ANGEL1: variants seen among roughly 807,000 people sequenced by gnomAD.
The protein encoded by ANGEL1 is RNA 2',3'-cyclic phosphatase ANGEL1.
ANGEL1 carries 62 observed loss-of-function variants against 76.4 expected under a neutral mutation model. The ratio of observed to expected loss-of-function variants is 0.81; its 90% CI spans 0.66 to 1.00. ANGEL1 has a LOEUF of 1.00. ANGEL1 is among the 50% of genes least tolerant of loss of function. The pLI is 0.00. For missense variants in ANGEL1, 737 were observed against 836.7 expected (o/e 0.88, Z 1.47); for synonymous variants, 340 against 331.7 (o/e 1.03, Z -0.27).
At chr14:76,804,503 T>C (rs752033126) in intron 5 of ANGEL1, 37 of 963,430 alleles carry the variant, frequency 3.8e-5, no homozygotes, top group Non-Finnish European at 4.4e-5. Flanking sequence ...AGTCCCTTTA[T>C]GCCATTTAAC....
At chr14:76,789,949 C>T (rs1459593440) in intron 9 of ANGEL1, among the ~76,000 whole-genome samples, 4 of 151,110 alleles carry the variant, frequency 2.6e-5, no homozygotes, top group African/African-American at 9.7e-5. Context: ...ACTGTAACCT[C>T]TGCCTCCCGA....
At chr14:76,790,893 A>C in intron 8 of ANGEL1, 119 bp from the exon 9 acceptor site, 7 of 1,346,732 alleles carry the variant, frequency 5.2e-6, no homozygotes, top group Non-Finnish European at 6.9e-6. Context: ...ACTCAATCTC[A>C]GCCAATTCCT....
At chr14:76,812,372 G>C (rs1405988221) in intron 1 of ANGEL1, 32 of 1,046,042 alleles carry the variant, frequency 3.1e-5, no homozygotes, top group Non-Finnish European at 3.3e-5. Context: ...CTCGCCCGCT[G>C]AGAATTTGGG....
intron 8 of ANGEL1, 102 bp from the exon 9 acceptor site, chr14:76,790,876 T>A (rs1894385987): frequency 7.1e-7 from 1 of 1,415,298 alleles, no homozygotes; most frequent in African/African-American, 1.4e-5. Context: ...AAGGATGATC[T>A]CAGATGACTC....
In ANGEL1 at chr14:76,791,312, T is replaced by C. The variant is rs373832136; in HGVS notation, c.1673A>G (p.Glu558Gly). 4 of 1,613,938 alleles carry C rather than the reference T, an allele frequency of 2.5e-6. No individual in the cohort carries two copies. Among genetic ancestry groups the C allele is most frequent in the Non-Finnish European group, 3.4e-6 (4 of 1,179,990 alleles). Residue 558 changes from glutamate to glycine, a missense_variant, in exon 8 of 10, where the codon GAG becomes GGG. By Grantham distance (98) the Glu-to-Gly change is moderately conservative. Coordinates refer to ENST00000251089, the MANE Select transcript of ANGEL1 (RefSeq NM_015305.4). ...AGAAGGTTACCTGGAGAAGGCAGGCTCAAGCTCCGATGCATCTTCCTCAAG... is the reference window on the plus strand; with the variant it reads ...AGAAGGTTACCTGGAGAAGGCAGGCCCAAGCTCCGATGCATCTTCCTCAAG... ...SVLEEDASEL[E>G]PAFSRTVGTI... is the part of the protein sequence containing the mutation.
At chr14:76,789,565 C>T (rs373642215) in intron 9 of ANGEL1, among the ~76,000 whole-genome samples, 177 bp from the exon 10 acceptor site, 22 of 152,250 alleles carry the variant, frequency 1.4e-4, no homozygotes, top group African/African-American at 5.3e-4. Flanking sequence ...CAGAGATACT[C>T]CATAATATCA....
At chr14:76,798,765 T>C (rs941813730) in intron 7 of ANGEL1, among the ~76,000 whole-genome samples, 22 of 151,914 alleles carry the variant, frequency 1.4e-4, no homozygotes, top group African/African-American at 5.3e-4. Context: ...CTGGCCAACG[T>C]GGTGAAACCC....
At chr14:76,793,895 G>A (rs1454897489) in intron 7 of ANGEL1, among the ~76,000 whole-genome samples, 4 of 152,038 alleles carry the variant, frequency 2.6e-5, no homozygotes, top group Non-Finnish European at 5.9e-5. Context: ...ATTGTAATAA[G>A]GTATGTGAAT....
chr14:76,790,486 G>T (rs969346578), intron 9 of ANGEL1, 125 bp downstream of exon 9: 2 of 1,466,404 alleles, frequency 1.4e-6, no homozygotes, highest in Admixed American at 4.9e-5. Flanking sequence ...TGCAAGGGAG[G>T]TATGAAATCT....
rs563403453 is a variant in ANGEL1, at chr14:76,789,072, G to A, written c.*156C>T. Reference sequence around the variant, plus strand: ...ACAGGCAGAGAACGCAGCCAGGCCTGGAGAAAGTCTAACCGTGGGAAAAAG... The same window carrying A: ...ACAGGCAGAGAACGCAGCCAGGCCTAGAGAAAGTCTAACCGTGGGAAAAAG... On this transcript the variant is annotated 3_prime_UTR_variant, in exon 10 of 10. Transcript: ENST00000251089. The A allele has an allele frequency of 2.2e-4, 231 of 1,041,378 alleles. No homozygotes were observed. The African/African-American group carries it at 3.4e-3, about 15-fold the overall frequency. 64.5% of individuals were successfully genotyped at this position (1,041,378 alleles called of 1,614,324 possible). A position where few individuals can be genotyped will look rare whatever the true frequency, so the allele number is the denominator to read the frequency against.
At chr14:76,807,592 C>T in intron 3 of ANGEL1, 90 bp from the exon 4 acceptor site, 1 of 1,320,312 alleles carries the variant, frequency 7.6e-7, no homozygotes, top group Non-Finnish European at 1.1e-6. Flanking sequence ...AGGTGGGAAG[C>T]TGCTGGGTCA....
chr14:76,792,876 A>C (rs935391882), intron 7 of ANGEL1, among the ~76,000 whole-genome samples: 4 of 152,200 alleles, frequency 2.6e-5, no homozygotes, highest in Non-Finnish European at 2.9e-5. Context: ...TTGACATTGT[A>C]CCAAAAGTTT....
chr14:76,804,172 A>G (rs1894848179), intron 5 of ANGEL1: 1 of 1,419,984 alleles, frequency 7.0e-7, no homozygotes, highest in Non-Finnish European at 9.1e-7. Context: ...GAATAGTATG[A>G]ACATGTGGTT....
At chr14:76,803,697 G>A (rs1894831771) in intron 6 of ANGEL1, 89 bp downstream of exon 6, 1 of 1,512,388 alleles carries the variant, frequency 6.6e-7, no homozygotes, top group Admixed American at 2.1e-5. Context: ...AGAAATGAGG[G>A]ATTACACTTT....
rs529026970 is a variant in ANGEL1, at chr14:76,796,753, G to C, written c.1619-5387C>G. 2.0e-5 allele frequency among the ~76,000 whole-genome samples: 3 copies of C among 152,104 alleles called. No homozygotes were observed. The East Asian group carries it at 5.8e-4, about 29-fold the overall frequency. Reference sequence around the variant, plus strand: ...ATTCTTAGTCATCTTTTATCTACTTGATCTGCTGCAGACTCAGAAAGATCA... The same window carrying C: ...ATTCTTAGTCATCTTTTATCTACTTCATCTGCTGCAGACTCAGAAAGATCA... On this transcript the variant is annotated intron_variant, in intron 7 of 9. Transcript: ENST00000251089.
Position 76,806,865 on chromosome 14 carries a change from C to T in ANGEL1, c.947-16G>A, listed in dbSNP as rs1894934129. On this transcript the variant is annotated splice_polypyrimidine_tract_variant and intron_variant, in intron 4 of 9. Transcript: ENST00000251089. ...CAGGTAAAGCCTGCAAGGAAAATCC[C>T]ACCAAAGAGATGGGTCAGAGTCCTT... 1 of 1,606,456 alleles carries T rather than the reference C, an allele frequency of 6.2e-7. No individual in the cohort carries two copies. Among genetic ancestry groups the T allele is most frequent in the South Asian group, 1.1e-5 (1 of 90,396 alleles).
chr14:76,806,712 C>T lies in ANGEL1; in HGVS notation c.1084G>A (p.Asp362Asn). The change falls in exon 5 of 10, where the codon GAT (aspartate) becomes AAT (asparagine). Residue 362 changes from aspartate (D) to asparagine (N), a missense_variant. Asp to Asn is a conservative substitution (Grantham distance 23, BLOSUM62 1). Transcript: ENST00000251089. ...FRPGLELLNR[D>N]NVGLVLLLQP... Reference sequence around the variant, plus strand: ...AGTAGCAACACTAAGCCCACATTATCCCGATTAAGTAGCTCCAAGCCAGGC... The same window carrying T: ...AGTAGCAACACTAAGCCCACATTATTCCGATTAAGTAGCTCCAAGCCAGGC... 6.2e-7 allele frequency: 1 copy of T among 1,613,914 alleles called. No homozygotes were observed. Among genetic ancestry groups the T allele is most frequent in the Non-Finnish European group, 8.5e-7 (1 of 1,180,016 alleles).
At chr14:76,792,366 A>C (rs1157197604) in intron 7 of ANGEL1, among the ~76,000 whole-genome samples, 1 of 152,152 alleles carries the variant, frequency 6.6e-6, no homozygotes, top group African/African-American at 2.4e-5. Flanking sequence ...AACACTTCCA[A>C]AAAAAAGAGG....
At chr14:76,808,172 T>G in intron 2 of ANGEL1, 24 bp from the exon 3 acceptor site, 1 of 1,601,150 alleles carries the variant, frequency 6.2e-7, no homozygotes, top group Non-Finnish European at 8.5e-7. Flanking sequence ...GGAGAAGCAC[T>G]CAATGGCAAG....
Sources: allele counts gnomAD v4.1 joint callset (sites outside exome capture counted in the v4.1 genomes callset), GRCh38; gene constraint gnomAD v4.1.1; transcripts MANE v1.5; gene names NCBI Gene and HGNC (gene_info 2026-07-23, HGNC 2026-07-21).